The following CADPS variants were observed in gnomAD, a reference collection of about 807,000 sequenced individuals.
CADPS encodes calcium-dependent secretion activator 1.
In CADPS, 57 loss-of-function variants were observed where a neutral mutation model predicts 167.3. The observed-to-expected ratio is 0.34, with a 90% CI of 0.28 to 0.42. The LOEUF is 0.42. Ranked by LOEUF, CADPS falls within the 20% of genes least tolerant of loss-of-function variation. The pLI, the probability that CADPS is intolerant of heterozygous loss-of-function variation, is 1.00. For missense variants in CADPS, 1,414 were observed against 1,738.1 expected (o/e 0.81, Z 3.32); for synonymous variants, 676 against 635.3 (o/e 1.06, Z -0.96).
At chr3:62,634,438 G>C (rs879763171) in intron 6 of CADPS, among the ~76,000 whole-genome samples, 3 of 152,050 alleles carry the variant, frequency 2.0e-5, no homozygotes, top group Non-Finnish European at 4.4e-5. Context: ...AACATATAGA[G>C]CACATATGAA....
chr3:62,837,228 A>T (rs2076024794), intron 1 of CADPS, among the ~76,000 whole-genome samples: 1 of 152,190 alleles, frequency 6.6e-6, no homozygotes, highest in African/African-American at 2.4e-5. Context: ...ACTGAAGCTC[A>T]GTGAAGTCAA....
At chr3:62,803,484 T>C (rs1001921462) in intron 1 of CADPS, among the ~76,000 whole-genome samples, 2 of 151,988 alleles carry the variant, frequency 1.3e-5, no homozygotes, top group African/African-American at 2.4e-5. Flanking sequence ...ATCTAGTGGG[T>C]AGAAGGCTGT....
intron 1 of CADPS, among the ~76,000 whole-genome samples, chr3:62,803,746 G>C (rs2093920189): frequency 6.6e-6 from 1 of 152,114 alleles, no homozygotes; most frequent in South Asian, 2.1e-4. Flanking sequence ...CAGATAGTAA[G>C]TCACCGTGTA....
At chr3:62,417,742 G>A (rs998557932) in intron 28 of CADPS, among the ~76,000 whole-genome samples, 6 of 152,048 alleles carry the variant, frequency 3.9e-5, no homozygotes, top group Admixed American at 3.9e-4. Context: ...TGAGGCAGGA[G>A]GATCACTATA....
intron 6 of CADPS, among the ~76,000 whole-genome samples, chr3:62,605,767 C>T (rs534820863): frequency 6.6e-6 from 1 of 152,312 alleles, no homozygotes; most frequent in Non-Finnish European, 1.5e-5. Flanking sequence ...TAGCCTGATT[C>T]TCAATAAATC....
At chr3:62,405,790 C>G (rs749234359) in intron 28 of CADPS, among the ~76,000 whole-genome samples, 7 of 152,182 alleles carry the variant, frequency 4.6e-5, no homozygotes, top group Non-Finnish European at 1.0e-4. Flanking sequence ...GGGAGTAAGT[C>G]ACTCCTTTCC....
chr3:62,585,038 G>A (rs967566498), intron 8 of CADPS, 147 bp downstream of exon 8: 4 of 752,474 alleles, frequency 5.3e-6, no homozygotes, highest in African/African-American at 3.6e-5. Context: ...GAAGTTTACA[G>A]TAAATATCAA....
At chr3:62,833,827 T>C (rs1448554157) in intron 1 of CADPS, among the ~76,000 whole-genome samples, 1 of 152,138 alleles carries the variant, frequency 6.6e-6, no homozygotes, top group Non-Finnish European at 1.5e-5. Flanking sequence ...CTGTACAAGA[T>C]TGTTTTTGAG....
At chr3:62,556,994 AACACACACACACACACACACACAC>A (rs56228621) in intron 10 of CADPS, among the ~76,000 whole-genome samples, 11 of 143,666 alleles carry the variant, frequency 7.7e-5, no homozygotes, top group South Asian at 6.8e-4. Flanking sequence ...GGTGAAAAAC[AACACACACACACACACACACACAC>A]ACACACACAC....
At chr3:62,701,159 G>A (rs1437251812) in intron 3 of CADPS, among the ~76,000 whole-genome samples, 2 of 152,026 alleles carry the variant, frequency 1.3e-5, no homozygotes, top group Middle Eastern at 3.2e-3. Flanking sequence ...AATTTGGGGG[G>A]AGGGACACAA....
At chr3:62,436,682 T>C (rs1429064402) in intron 28 of CADPS, among the ~76,000 whole-genome samples, 1 of 152,096 alleles carries the variant, frequency 6.6e-6, no homozygotes. Context: ...CACAGGAAGA[T>C]TATTTGATTC....
chr3:62,417,848 CA>C (rs11425155), intron 28 of CADPS, among the ~76,000 whole-genome samples: 11 of 140,530 alleles, frequency 7.8e-5, no homozygotes, highest in East Asian at 2.1e-4. Context: ...AACAAACAAA[CA>C]AAAAAAAACC....
intron 6 of CADPS, among the ~76,000 whole-genome samples, chr3:62,604,982 CT>C (rs1308920190): frequency 2.6e-5 from 4 of 152,206 alleles, no homozygotes; most frequent in Admixed American, 2.6e-4. Context: ...CCTATAATTA[CT>C]TTTGTAACCT....
intron 2 of CADPS, among the ~76,000 whole-genome samples, chr3:62,758,430 C>G (rs1386559481): frequency 6.6e-6 from 1 of 152,174 alleles, no homozygotes; most frequent in East Asian, 1.9e-4. Context: ...AAGGTGGCAG[C>G]AGGAAACTAT....
chr3:62,445,233 A>G (rs6445270), intron 27 of CADPS, among the ~76,000 whole-genome samples: 126,897 of 152,198 alleles, frequency 0.83, 53,028 homozygotes, highest in Non-Finnish European at 0.87. Context: ...AAGCAGTTTT[A>G]TGAGGTTTCC....
chr3:62,518,083 A>T, intron 14 of CADPS, 66 bp downstream of exon 14: 2 of 1,075,450 alleles, frequency 1.9e-6, no homozygotes, highest in Non-Finnish European at 2.8e-6. Context: ...TTGGAAAATT[A>T]AGTCCTTTAG....
intron 15 of CADPS, 46 bp downstream of exon 15, chr3:62,516,534 A>C (rs747517563): frequency 7.3e-7 from 1 of 1,367,834 alleles, no homozygotes; most frequent in South Asian, 1.3e-5. Flanking sequence ...AATTATGCTT[A>C]TGTCTTTTTA....
chr3:62,493,379 G>C (rs1376969880), intron 19 of CADPS, among the ~76,000 whole-genome samples: 1 of 152,046 alleles, frequency 6.6e-6, no homozygotes, highest in African/African-American at 2.4e-5. Flanking sequence ...AAAACAAATT[G>C]CCAGCCTCTT....
At chr3:62,683,487 G>T (rs34860283) in intron 3 of CADPS, among the ~76,000 whole-genome samples, 12,088 of 152,048 alleles carry the variant, frequency 0.08, 635 homozygotes, top group Non-Finnish European at 0.12. Flanking sequence ...TAGATTTACA[G>T]AAAAGTAGCA....
Sources: allele counts gnomAD v4.1 joint callset (sites outside exome capture counted in the v4.1 genomes callset), GRCh38; gene constraint gnomAD v4.1.1; transcripts MANE v1.5; gene names NCBI Gene and HGNC (gene_info 2026-07-23, HGNC 2026-07-21).